The following LTBP1 variants were observed in gnomAD, a reference collection of about 807,000 sequenced individuals.
The protein encoded by LTBP1 is latent-transforming growth factor beta-binding protein 1.
Under a neutral mutation model 207.6 loss-of-function variants are expected in LTBP1, and 129 were observed. The ratio of observed to expected loss-of-function variants is 0.62; its 90% CI spans 0.54 to 0.72. The LOEUF is 0.72. LTBP1 is among the 30% of genes least tolerant of loss of function. The pLI is 0.00. For synonymous variants in LTBP1, 963 were observed against 833.7 expected, an observed-to-expected ratio of 1.16 and a Z score of -2.67; for missense variants, 2,281 against 2,217.2, an observed-to-expected ratio of 1.03 and a Z score of -0.58.
intron 24 of LTBP1, among the ~76,000 whole-genome samples, chr2:33,330,828 A>T (rs1241284038): frequency 1.3e-5 from 2 of 151,564 alleles, no homozygotes; most frequent in Non-Finnish European, 2.9e-5. Context: ...AAAAAAAAAA[A>T]AAATCCTTGA....
intron 7 of LTBP1, 46 bp from the exon 8 acceptor site, chr2:33,217,506 A>T (rs1244863810): frequency 1.5e-6 from 2 of 1,358,102 alleles, no homozygotes; most frequent in South Asian, 2.3e-5. Flanking sequence ...GGGGCTGGGC[A>T]TCCTGCACTC....
In LTBP1 at chr2:33,275,915, G is replaced by A. The variant is rs370181044; in HGVS notation, c.2984G>A (p.Arg995His). The A allele has an allele frequency of 3.1e-5, 49 of 1,588,852 alleles. No individual in the cohort carries two copies. Among genetic ancestry groups the A allele is most frequent in the African/African-American group, 9.4e-5 (7 of 74,498 alleles). ...DSGYRMTQRG[R>H]CEDIDECLNP... Reference sequence around the variant, plus strand: ...GGGTACCGCATGACTCAGAGAGGCCGTTGTGAGGGTGAGTCAGCTGAGAGT... The same window carrying A: ...GGGTACCGCATGACTCAGAGAGGCCATTGTGAGGGTGAGTCAGCTGAGAGT... Residue 995 changes from arginine to histidine, a missense_variant, in exon 18 of 34, where the codon CGT (arginine) becomes CAT (histidine). This residue lies in a region of LTBP1 where 1,671 missense variants were observed against 1,634.8 expected (regional missense o/e 1.02). Coordinates refer to ENST00000404816, the MANE Select transcript of LTBP1 (RefSeq NM_206943.4).
At chr2:33,013,173 A>G (rs1687904225) in intron 2 of LTBP1, among the ~76,000 whole-genome samples, 1 of 152,218 alleles carries the variant, frequency 6.6e-6, no homozygotes, top group Non-Finnish European at 1.5e-5. Flanking sequence ...TATTTGAAAC[A>G]TATTGTTAAA....
intron 5 of LTBP1, among the ~76,000 whole-genome samples, chr2:33,186,412 G>A (rs985378591): frequency 6.6e-6 from 1 of 152,212 alleles, no homozygotes; most frequent in Non-Finnish European, 1.5e-5. Context: ...TTTTCTAGGT[G>A]CCAAGGATGT....
chr2:33,151,283 G>A (rs919699402), intron 5 of LTBP1, among the ~76,000 whole-genome samples: 2 of 151,996 alleles, frequency 1.3e-5, no homozygotes, highest in South Asian at 2.1e-4. Context: ...GGAATTTCTG[G>A]GTCAGGTGAT....
intron 2 of LTBP1, among the ~76,000 whole-genome samples, chr2:32,959,621 A>ATATTTTTTTTTTTT (rs1475834284): frequency 1.9e-4 from 7 of 36,670 alleles, no homozygotes; most frequent in East Asian, 1.4e-3. Context: ...ATATATATAT[A>ATATTTTTTTTTTTT]TTTTTTTTTT....
At chr2:33,145,638 A>G (rs908226524) in intron 5 of LTBP1, among the ~76,000 whole-genome samples, 4 of 152,204 alleles carry the variant, frequency 2.6e-5, no homozygotes, top group South Asian at 4.1e-4. Flanking sequence ...TATTAATAAC[A>G]TCTTGAGCCA....
At chr2:33,064,672 A>C (rs532750952) in intron 3 of LTBP1, among the ~76,000 whole-genome samples, 7 of 152,324 alleles carry the variant, frequency 4.6e-5, no homozygotes, top group African/African-American at 1.7e-4. Context: ...GATAGCAAAC[A>C]AATCTTTCCT....
At chr2:33,101,170 A>G (rs555678881) in intron 3 of LTBP1, among the ~76,000 whole-genome samples, 8 of 152,276 alleles carry the variant, frequency 5.3e-5, no homozygotes, top group African/African-American at 1.9e-4. Context: ...ATTAGGTATT[A>G]AGGAGTGTGA....
chr2:33,057,122 A>G (rs2077040362), intron 3 of LTBP1, among the ~76,000 whole-genome samples: 1 of 146,026 alleles, frequency 6.8e-6, no homozygotes, highest in African/African-American at 2.4e-5. Context: ...CTAGAGACAG[A>G]GTGCTGATTG....
intron 3 of LTBP1, among the ~76,000 whole-genome samples, chr2:33,039,317 A>G (rs1221321170): frequency 6.6e-6 from 1 of 151,942 alleles, no homozygotes; most frequent in African/African-American, 2.4e-5. Context: ...AAACACCAAA[A>G]CCCATAATTG....
chr2:33,189,762 A>G (rs945672991), intron 7 of LTBP1, among the ~76,000 whole-genome samples: 5 of 152,164 alleles, frequency 3.3e-5, no homozygotes, highest in African/African-American at 2.4e-5. Flanking sequence ...GCTGTGGCTC[A>G]TGCCTATAAT....
chr2:33,200,096 G>A (rs1205668745), intron 7 of LTBP1, among the ~76,000 whole-genome samples: 1 of 152,116 alleles, frequency 6.6e-6, no homozygotes, highest in Non-Finnish European at 1.5e-5. Flanking sequence ...AGCTACCAAT[G>A]ACTTTCTTCA....
At chr2:32,963,364 C>G (rs1348692166) in intron 2 of LTBP1, among the ~76,000 whole-genome samples, 1 of 132,118 alleles carries the variant, frequency 7.6e-6, no homozygotes, top group Non-Finnish European at 1.6e-5. Flanking sequence ...GCCACCATGC[C>G]CAGCTATTTT....
At chr2:33,274,770 A>G (rs954964657) in intron 16 of LTBP1, among the ~76,000 whole-genome samples, 195 bp from the exon 17 acceptor site, 7 of 152,188 alleles carry the variant, frequency 4.6e-5, no homozygotes, top group Admixed American at 3.3e-4. Flanking sequence ...GAAGTGATAC[A>G]CAGTAGGCTG....
At chr2:32,956,216 A>C (rs1197340147) in intron 2 of LTBP1, among the ~76,000 whole-genome samples, 1 of 152,140 alleles carries the variant, frequency 6.6e-6, no homozygotes, top group Non-Finnish European at 1.5e-5. Context: ...AAAATGATGA[A>C]GTTTGCTGCA....
intron 2 of LTBP1, among the ~76,000 whole-genome samples, chr2:32,970,995 T>C (rs925823730): frequency 7.5e-6 from 1 of 132,650 alleles, no homozygotes; most frequent in Non-Finnish European, 1.6e-5. Context: ...GCTGTATTCC[T>C]AGGTATTTGT....
At chr2:33,158,614 C>T (rs994200288) in intron 5 of LTBP1, among the ~76,000 whole-genome samples, 1 of 114,260 alleles carries the variant, frequency 8.8e-6, no homozygotes, top group Admixed American at 9.4e-5. Context: ...TAATAAAGGA[C>T]CTATGAGATT....
chr2:33,340,082 C>A (rs981441537), intron 24 of LTBP1, among the ~76,000 whole-genome samples: 5 of 151,570 alleles, frequency 3.3e-5, no homozygotes, highest in Non-Finnish European at 7.4e-5. Context: ...GTGCTTGCAC[C>A]CCATCTCTAC....
Sources: gnomAD v4.1 joint callset for allele counts (sites outside exome capture counted in the v4.1 genomes callset) on GRCh38, gnomAD v4.1.1 for gene constraint, gnomAD v4.1.1 regional missense constraint, MANE v1.5 for transcripts, NCBI Gene and HGNC (gene_info 2026-07-23, HGNC 2026-07-21) for gene names.